Variants in RGS5 observed in about 807,000 individuals in gnomAD.
RGS5 encodes the protein regulator of G protein signaling 5, also known as regulator of G-protein signalling 5.
A neutral mutation model predicts 18.9 loss-of-function variants in RGS5; 20 were observed. The observed-to-expected ratio is 1.06, with a 90% CI of 0.74 to 1.54. RGS5 has a LOEUF of 1.54. Among genes scored for constraint, RGS5 ranks in the 40% most tolerant of loss-of-function variants. The pLI is 0.00. For missense variants in RGS5, 201 were observed against 211.8 expected (o/e 0.95, Z 0.32); for synonymous variants, 57 against 76.2 (o/e 0.75, Z 1.31).
At chr1:163,238,121 T>G (rs1283402325) in intron 2 of RGS5, 1 of 154,448 alleles carries the variant, frequency 6.5e-6, no homozygotes, top group African/African-American at 2.4e-5. Context: ...CTTATAATTT[T>G]AAGATATTTC....
intron 1 of RGS5, among the ~76,000 whole-genome samples, chr1:163,170,095 A>C (rs1218535867): frequency 6.6e-6 from 1 of 152,186 alleles, no homozygotes; most frequent in East Asian, 1.9e-4. Context: ...CAAATCTTAA[A>C]TATTAATCCA....
intron 2 of RGS5, among the ~76,000 whole-genome samples, chr1:163,283,580 T>A (rs1649056073): frequency 6.6e-6 from 1 of 152,166 alleles, no homozygotes; most frequent in South Asian, 2.1e-4. Context: ...GTATGTAGAA[T>A]CCAGTGACTT....
chr1:163,308,323 A>G (rs1649761442), intron 1 of RGS5, among the ~76,000 whole-genome samples: 1 of 152,228 alleles, frequency 6.6e-6, no homozygotes, highest in Non-Finnish European at 1.5e-5. Context: ...TGTGTGACAC[A>G]ATAAGTAATA....
chr1:163,216,770 G>C (rs1433674695), intron 1 of RGS5, among the ~76,000 whole-genome samples: 5 of 152,128 alleles, frequency 3.3e-5, no homozygotes, highest in African/African-American at 9.7e-5. Flanking sequence ...TGGGCTTCAG[G>C]GTTCTCAGTT....
intron 2 of RGS5, chr1:163,305,030 T>C (rs1649658450): frequency 6.6e-6 from 1 of 152,250 alleles, no homozygotes; most frequent in Non-Finnish European, 1.5e-5. Context: ...GGCCAGACCA[T>C]ATAACTTTCT....
chr1:163,163,043 G>A (rs1226636973), intron 2 of RGS5, among the ~76,000 whole-genome samples: 1 of 63,206 alleles, frequency 1.6e-5, no homozygotes, highest in Non-Finnish European at 3.9e-5. Flanking sequence ...ATATTTCGGG[G>A]GGGGGGGTGG....
intron 1 of RGS5, chr1:163,217,428 C>A: frequency 7.8e-7 from 1 of 1,275,842 alleles, no homozygotes; most frequent in Non-Finnish European, 1.0e-6. Flanking sequence ...TAAAATAGAG[C>A]ACTATTGGCA....
At chr1:163,218,977 G>A (rs1471204417), upstream of RGS5, among the ~76,000 whole-genome samples, 1 of 152,164 alleles carries the variant, frequency 6.6e-6, no homozygotes, top group Non-Finnish European at 1.5e-5. Flanking sequence ...GGATGGGCTG[G>A]AGTCAAAGCT....
chr1:163,279,629 C>G (rs1182133183), intron 2 of RGS5, among the ~76,000 whole-genome samples: 11 of 151,756 alleles, frequency 7.2e-5, no homozygotes, highest in Admixed American at 6.6e-4. Flanking sequence ...AAGCAGCCAA[C>G]CCCAAAATTT....
chr1:163,305,785 T>C (rs1000588912), intron 2 of RGS5, among the ~76,000 whole-genome samples: 5 of 152,170 alleles, frequency 3.3e-5, no homozygotes, highest in Admixed American at 6.5e-5. Flanking sequence ...TCTACTATGA[T>C]TCTCTTGTAG....
chr1:163,168,860 C>CT (rs570409849), intron 1 of RGS5, among the ~76,000 whole-genome samples: 2 of 151,780 alleles, frequency 1.3e-5, no homozygotes, highest in Non-Finnish European at 2.9e-5. Context: ...AAAATGATCA[C>CT]TTTTTTTTAT....
rs534775523 is a variant in RGS5, at chr1:163,317,316, A to C, written c.-378+4306T>G. Among the ~76,000 whole-genome samples, 256 of 152,298 alleles carry C rather than the reference A, an allele frequency of 1.7e-3. 2 individuals are homozygous for C. Among genetic ancestry groups the C allele is most frequent in the African/African-American group, 5.9e-3 (246 of 41,572 alleles). On this transcript the variant is annotated intron_variant, in intron 1 of 5. Coordinates refer to the RGS5 transcript ENST00000618415. ...ATTTGTGCTAAGCTGTGGATACATGACAGCAAATAGGGTAGTCCCTGTCTT... is the reference window on the plus strand; with the variant it reads ...ATTTGTGCTAAGCTGTGGATACATGCCAGCAAATAGGGTAGTCCCTGTCTT...
intron 1 of RGS5, chr1:163,212,578 A>G (rs1251372548): frequency 6.6e-6 from 1 of 152,156 alleles, no homozygotes; most frequent in African/African-American, 2.4e-5. Context: ...CAACCTCCAT[A>G]ACTGTGCTGG....
intron 2 of RGS5, among the ~76,000 whole-genome samples, chr1:163,165,135 G>A (rs950341387): frequency 2.0e-5 from 3 of 152,080 alleles, no homozygotes; most frequent in African/African-American, 7.2e-5. Flanking sequence ...ATCCATATGC[G>A]GGCCTGAAAT....
intron 1 of RGS5, among the ~76,000 whole-genome samples, chr1:163,185,970 G>A (rs956804193): frequency 1.3e-5 from 2 of 152,080 alleles, no homozygotes; most frequent in Non-Finnish European, 2.9e-5. Flanking sequence ...GTCAGCATAT[G>A]GGCTTTTAAT....
At chr1:163,250,534 G>T (rs1443412137) in intron 2 of RGS5, among the ~76,000 whole-genome samples, 1 of 152,146 alleles carries the variant, frequency 6.6e-6, no homozygotes, top group Non-Finnish European at 1.5e-5. Flanking sequence ...CTAAAGAAAA[G>T]CTACTACAGT....
At chr1:163,290,715 A>G (rs554951820) in intron 2 of RGS5, among the ~76,000 whole-genome samples, 2 of 152,134 alleles carry the variant, frequency 1.3e-5, no homozygotes, top group Non-Finnish European at 2.9e-5. Flanking sequence ...CATAGTTAGA[A>G]GAAAAAAGAT....
chr1:163,294,381 C>T (rs1482909515), intron 2 of RGS5, among the ~76,000 whole-genome samples: 1 of 152,232 alleles, frequency 6.6e-6, no homozygotes, highest in Non-Finnish European at 1.5e-5. Flanking sequence ...GGGCTTACGC[C>T]GTTACGCCAT....
intron 1 of RGS5, among the ~76,000 whole-genome samples, chr1:163,311,907 G>A (rs1649874041): frequency 6.6e-6 from 1 of 152,200 alleles, no homozygotes. Flanking sequence ...CCTTTAATTT[G>A]TCAAAAATGC....
Sources: gnomAD v4.1 joint callset for allele counts (sites outside exome capture counted in the v4.1 genomes callset) on GRCh38, gnomAD v4.1.1 for gene constraint, MANE v1.5 for transcripts, NCBI Gene and HGNC (gene_info 2026-07-23, HGNC 2026-07-21) for gene names.